The following SCMH1 variants were observed in gnomAD, a reference collection of about 807,000 sequenced individuals.
SCMH1 encodes the protein Scm polycomb group protein homolog 1, also known as polycomb protein SCMH1.
A neutral mutation model predicts 70.8 loss-of-function variants in SCMH1; 37 were observed. That is an observed-to-expected ratio of 0.52 (90% CI 0.40 to 0.69). The LOEUF is 0.69. SCMH1 is among the 30% of genes least tolerant of loss of function. The pLI, the probability that SCMH1 is intolerant of heterozygous loss-of-function variation, is 0.00. For synonymous variants in SCMH1, 292 were observed against 307.4 expected, an observed-to-expected ratio of 0.95 and a Z score of 0.52; for missense variants, 607 against 827.3, an observed-to-expected ratio of 0.73 and a Z score of 3.27.
intron 8 of SCMH1, among the ~76,000 whole-genome samples, chr1:41,106,936 C>T (rs1668089775): frequency 6.6e-6 from 1 of 151,956 alleles, no homozygotes; most frequent in African/African-American, 2.4e-5. Flanking sequence ...GATCCACCCG[C>T]CTCTGCCTCC....
intron 10 of SCMH1, among the ~76,000 whole-genome samples, chr1:41,052,788 A>C (rs918000251): frequency 6.6e-6 from 1 of 152,214 alleles, no homozygotes; most frequent in African/African-American, 2.4e-5. Context: ...GGTGATAAAA[A>C]TCAGCATAAA....
chr1:41,165,945 ATC>A (rs1217105151), intron 2 of SCMH1, among the ~76,000 whole-genome samples: 1 of 151,956 alleles, frequency 6.6e-6, no homozygotes, highest in African/African-American at 2.4e-5. Context: ...TATCAAAGAA[ATC>A]TCTGTCCAGA....
intron 4 of SCMH1, among the ~76,000 whole-genome samples, chr1:41,157,801 C>A (rs992413656): frequency 2.2e-4 from 33 of 152,294 alleles, no homozygotes; most frequent in Admixed American, 1.8e-3. Flanking sequence ...AAGGGCTGGA[C>A]AAATTTTACC....
intron 12 of SCMH1, chr1:41,043,766 CATA>C (rs1646542861): frequency 1.3e-5 from 2 of 151,868 alleles, no homozygotes; most frequent in Admixed American, 6.6e-5. Flanking sequence ...ATTTCTTAAT[CATA>C]ATAATACTAT....
At chr1:41,099,378 A>T (rs940848760) in intron 8 of SCMH1, among the ~76,000 whole-genome samples, 3 of 152,236 alleles carry the variant, frequency 2.0e-5, no homozygotes, top group African/African-American at 7.2e-5. Flanking sequence ...TGTAGGTCTC[A>T]CTATGCATTT....
intron 6 of SCMH1, among the ~76,000 whole-genome samples, chr1:41,123,942 C>G (rs887632340): frequency 9.2e-5 from 14 of 152,156 alleles, no homozygotes; most frequent in Non-Finnish European, 1.6e-4. Context: ...TTTTGCCATG[C>G]AGAATCCCAA....
chr1:41,198,456 C>T (rs1046037393), intron 1 of SCMH1, among the ~76,000 whole-genome samples: 1 of 152,196 alleles, frequency 6.6e-6, no homozygotes, highest in African/African-American at 2.4e-5. Flanking sequence ...ATATCCTACA[C>T]ATTGTCTAGC....
chr1:41,186,025 G>A (rs12139225), intron 2 of SCMH1, 96 bp downstream of exon 2: 105,066 of 1,348,796 alleles, frequency 0.078, 4,674 homozygotes, highest in South Asian at 0.12. Context: ...AAAGGATAAC[G>A]AGTAGTCTAA....
At chr1:41,045,364 G>C (rs1646768301) in intron 12 of SCMH1, among the ~76,000 whole-genome samples, 1 of 152,088 alleles carries the variant, frequency 6.6e-6, no homozygotes, top group Admixed American at 6.5e-5. Flanking sequence ...TTTTTGACCT[G>C]CTTGCAAGTC....
At chr1:41,204,932 A>G (rs1655160216) in intron 1 of SCMH1, among the ~76,000 whole-genome samples, 2 of 152,210 alleles carry the variant, frequency 1.3e-5, no homozygotes, top group African/African-American at 4.8e-5. Flanking sequence ...CAAAACTAAA[A>G]AATTATATGA....
At chr1:41,084,510 C>T (rs1228819949) in intron 8 of SCMH1, among the ~76,000 whole-genome samples, 1 of 152,164 alleles carries the variant, frequency 6.6e-6, no homozygotes, top group East Asian at 1.9e-4. Flanking sequence ...GAAATAGGAA[C>T]ACTTTTACAC....
At chr1:41,056,190 T>G (rs928617457) in intron 10 of SCMH1, among the ~76,000 whole-genome samples, 5 of 152,202 alleles carry the variant, frequency 3.3e-5, no homozygotes, top group Admixed American at 2.0e-4. Flanking sequence ...AAACTTGCTC[T>G]AGGAACGCAG....
intron 5 of SCMH1, among the ~76,000 whole-genome samples, chr1:41,148,213 A>T (rs867649194): frequency 1.3e-5 from 2 of 152,180 alleles, no homozygotes; most frequent in Middle Eastern, 3.2e-3. Flanking sequence ...TGCTACTCTT[A>T]TCATCCATTT....
At chr1:41,175,156 C>T (rs1214480135) in intron 2 of SCMH1, among the ~76,000 whole-genome samples, 1 of 152,202 alleles carries the variant, frequency 6.6e-6, no homozygotes, top group Non-Finnish European at 1.5e-5. Context: ...ACATTTGAAT[C>T]AGTAGACTGA....
chr1:41,204,798 TTA>T (rs954211253), intron 1 of SCMH1, among the ~76,000 whole-genome samples: 5 of 151,378 alleles, frequency 3.3e-5, no homozygotes, highest in Admixed American at 3.3e-4. Context: ...ACTGGGGTGT[TTA>T]TGTTATTCAT....
At chr1:41,067,125 A>G (rs1654859343) in intron 10 of SCMH1, among the ~76,000 whole-genome samples, 1 of 152,106 alleles carries the variant, frequency 6.6e-6, no homozygotes, top group African/African-American at 2.4e-5. Flanking sequence ...CATCTGGACA[A>G]TGAAATATTT....
chr1:41,172,765 G>C (rs1646872437), intron 2 of SCMH1, among the ~76,000 whole-genome samples: 1 of 152,098 alleles, frequency 6.6e-6, no homozygotes. Context: ...CCAGAATAGA[G>C]AACCCACAAA....
intron 10 of SCMH1, among the ~76,000 whole-genome samples, chr1:41,070,386 C>T (rs1571772545): frequency 6.6e-6 from 1 of 152,104 alleles, no homozygotes; most frequent in Admixed American, 6.5e-5. Context: ...TGGTGCTATC[C>T]CTGCATTAGT....
At chr1:41,049,286 C>T (rs1438393042) in intron 10 of SCMH1, among the ~76,000 whole-genome samples, 1 of 149,420 alleles carries the variant, frequency 6.7e-6, no homozygotes, top group Non-Finnish European at 1.5e-5. Flanking sequence ...CACTGTGGGG[C>T]AATGGCAATA....
Sources: gnomAD v4.1 joint callset for allele counts (sites outside exome capture counted in the v4.1 genomes callset) on GRCh38, gnomAD v4.1.1 for gene constraint, MANE v1.5 for transcripts, NCBI Gene and HGNC (gene_info 2026-07-23, HGNC 2026-07-21) for gene names.